The following SRRM2 variants were observed in gnomAD, a reference collection of about 807,000 sequenced individuals.
SRRM2 encodes serine/arginine repetitive matrix 2.
Under a neutral mutation model 213.8 loss-of-function variants are expected in SRRM2, and 30 were observed. The observed-to-expected ratio is 0.14, with a 90% CI of 0.10 to 0.19. The LOEUF (loss-of-function observed/expected upper bound fraction) is 0.19, where lower values mean the gene tolerates loss of function less well. Ranked by LOEUF, SRRM2 falls within the 10% of genes least tolerant of loss-of-function variation. SRRM2 has a pLI of 1.00. For missense variants in SRRM2, 4,904 were observed against 3,647.0 expected, an observed-to-expected ratio of 1.34 and a Z score of -8.88; for synonymous variants, 2,025 against 1,377.7, an observed-to-expected ratio of 1.47 and a Z score of -10.40.
chr16:2,770,250 G>T, intron 12 of SRRM2, 102 bp from the exon 13 acceptor site: 1 of 1,469,216 alleles, frequency 6.8e-7, no homozygotes. Context: ...CTGGCCCTGT[G>T]TGGTGTGAGG....
Position 2,765,681 on chromosome 16 carries a change from C to T in SRRM2, c.5153C>T (p.Ser1718Phe). Residue 1718 changes from serine to phenylalanine, a missense_variant, in exon 11 of 15, where the codon TCT becomes TTT. Physicochemically the swap from Ser to Phe is radical, Grantham distance 155. Coordinates refer to ENST00000301740, the MANE Select transcript of SRRM2 (RefSeq NM_016333.4). ...RSASSSPETR[S>F]RTPPRHRRSP... ...GCCTCATCCTCACCAGAAACTCGCTCTAGAACTCCCCCAAGGCACCGGAGA... is the reference window on the plus strand; with the variant it reads ...GCCTCATCCTCACCAGAAACTCGCTTTAGAACTCCCCCAAGGCACCGGAGA... The T allele has an allele frequency of 6.2e-7, 1 of 1,614,190 alleles. No homozygotes were observed. The highest frequency in any genetic ancestry group is 8.5e-7 in the Non-Finnish European group (1 of 1,180,020).
intron 1 of SRRM2, among the ~76,000 whole-genome samples, chr16:2,753,995 A>G (rs573510230): frequency 9.8e-5 from 15 of 152,298 alleles, no homozygotes; most frequent in Non-Finnish European, 1.8e-4. Flanking sequence ...TACCACTCGG[A>G]TAATTTCCCA....
Position 2,759,631 on chromosome 16 carries a change from C to A in SRRM2, c.803C>A (p.Ser268Tyr), listed in dbSNP as rs1297376702. 1 of 1,613,940 alleles carries A rather than the reference C, an allele frequency of 6.2e-7. No individual in the cohort carries two copies. The highest frequency in any genetic ancestry group is 1.1e-5 in the South Asian group (1 of 91,072). Residue 268 changes from serine to tyrosine, a missense_variant, in exon 9 of 15, where the codon TCT (serine) becomes TAT (tyrosine). Coordinates refer to ENST00000301740, the MANE Select transcript of SRRM2 (RefSeq NM_016333.4). ...GCCCACCGTTCAACTTCTGCTGACT[C>A]TGCTTCCTCCTCCGATACTTCCCGC... ...RRAHRSTSADSASSSDTSRSR... is the reference protein window; with the variant it reads ...RRAHRSTSADYASSSDTSRSR...
Position 2,767,239 on chromosome 16 carries a change from G to A in SRRM2, c.6711G>A (p.Ala2237=), listed in dbSNP as rs543223328. 5.9e-5 allele frequency: 96 copies of A among 1,614,064 alleles called. No homozygotes were observed. The South Asian group carries it at 9.6e-4, about 16-fold the overall frequency. The change falls in exon 11 of 15, where the codon GCG becomes GCA. Residue 2237 remains alanine (A), a synonymous_variant. Coordinates refer to ENST00000301740, the MANE Select transcript of SRRM2 (RefSeq NM_016333.4). ...CCAGCAGGATTCCTGCAGCCTCTGC[G>A]GCAGCCATGAACCTAGCCAGCGCCA... ...NLASRIPAAS[A]AAMNLASART... is the part of the protein sequence containing the mutation.
chr16:2,764,072 A>G lies in SRRM2; in HGVS notation c.3544A>G (p.Arg1182Gly). The G allele has an allele frequency of 6.2e-7, 1 of 1,614,168 alleles. No homozygotes were observed. The highest frequency in any genetic ancestry group is 1.1e-5 in the South Asian group (1 of 91,084). The change falls in exon 11 of 15, where the codon AGA (arginine) becomes GGA (glycine). Residue 1182 changes from arginine (R) to glycine (G), a missense_variant. Arg to Gly is a moderately radical substitution (Grantham distance 125). Coordinates refer to ENST00000301740, the MANE Select transcript of SRRM2 (RefSeq NM_016333.4). The stretch of plus-strand genomic sequence containing the variant: ...GGAGGATGCTACTGCATCACCTCCT[A>G]GACAGAAAGACAAATTTAGTCCCTT... ...PQEDATASPP[R>G]QKDKFSPFPV...
Position 2,766,020 on chromosome 16 carries a change from C to G in SRRM2, c.5492C>G (p.Ser1831Cys), listed in dbSNP as rs1430820904. Residue 1831 changes from serine to cysteine, a missense_variant, in exon 11 of 15, where the codon TCC becomes TGC. By Grantham distance (112) the Ser-to-Cys change is moderately radical. Transcript: ENST00000301740. The surrounding 1 kb of genome is among the most constrained non-coding windows in gnomAD (Gnocchi z 7.0). ...HSRSPARQES[S>C]RTSSRRRRGR... is the part of the protein sequence containing the mutation. ...AGGTCACCTGCCCGGCAGGAAAGTT[C>G]CCGGACCTCCTCTCGACGCCGAAGA... 12 of 1,614,048 alleles carry G rather than the reference C, an allele frequency of 7.4e-6. No homozygotes were observed. Among genetic ancestry groups the G allele is most frequent in the Non-Finnish European group, 1.0e-5 (12 of 1,180,040 alleles).
intron 1 of SRRM2, 57 bp downstream of exon 1, chr16:2,752,903 G>A (rs969471303): frequency 2.1e-4 from 40 of 188,070 alleles, no homozygotes; most frequent in Non-Finnish European, 3.6e-4. Context: ...GCCCCGGCGC[G>A]AGGCCAAAGC....
At chr16:2,758,797 G>T in intron 5 of SRRM2, 188 bp from the exon 6 acceptor site, 1 of 722,492 alleles carries the variant, frequency 1.4e-6, no homozygotes, top group East Asian at 2.7e-5. Context: ...TCATTTTGAG[G>T]TTTGTTGACT....
rs74706545 is a variant in SRRM2, at chr16:2,757,844, C to G, written c.414C>G (p.Ala138=). ...AGAAGAATGAAAGACTCCGTGCTGC[C>G]TTTGGCATCAGTGATTCTTACGTAG... ...NEKKNERLRA[A]FGISDSYVDG... The change falls in exon 4 of 15, where the codon GCC becomes GCG. Residue 138 remains alanine (A), a synonymous_variant. Transcript: ENST00000301740. The G allele has an allele frequency of 2.1e-4, 347 of 1,614,080 alleles. 1 individual carries two copies. In the East Asian group the frequency reaches 6.3e-3, roughly 29 times the overall value.
chr16:2,768,540 G>A (rs2068624079), intron 11 of SRRM2: 1 of 662,660 alleles, frequency 1.5e-6, no homozygotes, highest in Non-Finnish European at 2.8e-6. Context: ...TAATTTTACA[G>A]CAGGAGGGAT....
At chr16:2,770,533 C>G in intron 13 of SRRM2, 68 bp downstream of exon 13, 1 of 1,557,528 alleles carries the variant, frequency 6.4e-7, no homozygotes, top group African/African-American at 1.4e-5. Context: ...AAGAAGAAAG[C>G]TTTGCGGTTG....
In SRRM2 at chr16:2,762,805, C is replaced by T; in HGVS notation, c.2277C>T (p.Ser759=). The stretch of plus-strand genomic sequence containing the variant: ...AATCTCGCATTTCTTCAAGGCGGAG[C>T]AGGTCTCTCTCTTCACCACGGTCCA... ...MKKSRISSRR[S]RSLSSPRSKA... Residue 759 remains serine (S), a synonymous_variant, in exon 11 of 15, where the codon AGC becomes AGT. Coordinates refer to ENST00000301740, the MANE Select transcript of SRRM2 (RefSeq NM_016333.4). 1.2e-6 allele frequency: 2 copies of T among 1,614,144 alleles called. No homozygotes were observed. The highest frequency in any genetic ancestry group is 1.7e-6 in the Non-Finnish European group (2 of 1,180,034).
At position 2,770,599 on chromosome 16, in the gene SRRM2, T is replaced by TGCA; in HGVS notation, c.8142_8144dup. On this transcript the variant is annotated splice_region_variant and splice_polypyrimidine_tract_variant and intron_variant, in intron 13 of 14. Transcript: ENST00000301740. ...CTGTGGCCTGATGTCTGTCCTGTGT[T>TGCA]GCAGCAGCAGCAGTGAGCGGGGTTC... The TGCA allele has an allele frequency of 7.5e-5, 116 of 1,553,310 alleles. No homozygotes were observed. Among genetic ancestry groups the TGCA allele is most frequent in the African/African-American group, 4.8e-4 (35 of 73,318 alleles).
In SRRM2 at chr16:2,757,792, C is replaced by G. The variant is rs369031913; in HGVS notation, c.362C>G (p.Thr121Ser). 4 of 1,613,928 alleles carry G rather than the reference C, an allele frequency of 2.5e-6. No homozygotes were observed. Among genetic ancestry groups the G allele is most frequent in the East Asian group, 2.2e-5 (1 of 44,892 alleles). ...TPGQRPAVTE[T>S]HQLAELNEKK... ...CTTCTTTTCTCTAGGGTCACGGAGA[C>G]TCACCAGTTGGCAGAATTAAATGAG... The change falls in exon 4 of 15, where the codon ACT becomes AGT. Residue 121 changes from threonine (T) to serine (S), a missense_variant. Transcript: ENST00000301740.
Position 2,767,846 on chromosome 16 carries a change from C to T in SRRM2, c.7318C>T (p.Leu2440Phe). 3.1e-6 allele frequency: 5 copies of T among 1,614,106 alleles called. No individual in the cohort carries two copies. Among genetic ancestry groups the T allele is most frequent in the South Asian group, 1.1e-5 (1 of 91,078 alleles). The part of the protein sequence containing the change: ...RMGQAPSQSL[L>F]PPAQDQPRSP... ...GGGCCAGGCTCCTTCACAGTCTCTT[C>T]TCCCTCCAGCACAGGATCAGCCGAG... The change falls in exon 11 of 15, where the codon CTC (leucine) becomes TTC (phenylalanine). Residue 2440 changes from leucine to phenylalanine, a missense_variant. Physicochemically the swap from Leu to Phe is conservative, Grantham distance 22 (BLOSUM62 0). Coordinates refer to ENST00000301740, the MANE Select transcript of SRRM2 (RefSeq NM_016333.4).
In SRRM2 at chr16:2,765,747, G is replaced by T. The variant is rs747742322; in HGVS notation, c.5219G>T (p.Arg1740Met). 1 of 1,614,100 alleles carries T rather than the reference G, an allele frequency of 6.2e-7. No homozygotes were observed. ...TCCCCGGAGCCAGCCGAAAAATCGAGGTCTTCACGCCGACGGCGCTCAGCT... is the reference window on the plus strand; with the variant it reads ...TCCCCGGAGCCAGCCGAAAAATCGATGTCTTCACGCCGACGGCGCTCAGCT... ...VSSPEPAEKS[R>M]SSRRRRSASS... is the part of the protein sequence containing the mutation. The change falls in exon 11 of 15, where the codon AGG (arginine) becomes ATG (methionine). Residue 1740 changes from arginine to methionine, a missense_variant. By Grantham distance (91) the Arg-to-Met change is moderately conservative (BLOSUM62 -1). Coordinates refer to ENST00000301740, the MANE Select transcript of SRRM2 (RefSeq NM_016333.4).
At chr16:2,760,183 G>A in intron 9 of SRRM2, 118 bp from the exon 10 acceptor site, 1 of 1,003,214 alleles carries the variant, frequency 1.0e-6, no homozygotes, top group South Asian at 1.5e-5. Context: ...GCGACTAAAG[G>A]CTTTTTGGAA....
At position 2,764,985 on chromosome 16, in the gene SRRM2, C is replaced by T. The variant is rs757891202; in HGVS notation, c.4457C>T (p.Pro1486Leu). ...AGCGAATGTGATTCTTCCCCAGAAC[C>T]GAAAGCTTTGCCTCAGACTCCTAGG... ...GRSECDSSPE[P>L]KALPQTPRPR... is the part of the protein sequence containing the mutation. The change falls in exon 11 of 15, where the codon CCG becomes CTG. Residue 1486 changes from proline (P) to leucine (L), a missense_variant. Coordinates refer to ENST00000301740, the MANE Select transcript of SRRM2 (RefSeq NM_016333.4). The T allele has an allele frequency of 8.0e-5, 129 of 1,613,860 alleles. No homozygotes were observed. The highest frequency in any genetic ancestry group is 1.9e-4 in the African/African-American group (14 of 74,872).
intron 3 of SRRM2, 92 bp from the exon 4 acceptor site, chr16:2,757,689 C>T (rs199662614): frequency 5.8e-4 from 916 of 1,582,932 alleles, no homozygotes; most frequent in Non-Finnish European, 6.7e-4. Flanking sequence ...TCTGCCTTTC[C>T]CATGCCTTAT....
Sources: allele counts gnomAD v4.1 joint callset (sites outside exome capture counted in the v4.1 genomes callset), GRCh38; gene constraint gnomAD v4.1.1; non-coding constraint Gnocchi (gnomAD v3.1); transcripts MANE v1.5; gene names NCBI Gene and HGNC (gene_info 2026-07-23, HGNC 2026-07-21).